Variants in MNS1 observed in about 807,000 individuals in gnomAD.
The protein encoded by MNS1 is meiosis-specific nuclear structural protein 1.
MNS1 carries 63 observed loss-of-function variants against 72.0 expected under a neutral mutation model. The ratio of observed to expected loss-of-function variants is 0.87; its 90% confidence interval spans 0.71 to 1.08. The LOEUF is 1.08. MNS1 is among the 50% of genes least tolerant of loss of function. MNS1 has a pLI of 0.00. For missense variants in MNS1, 604 were observed against 562.4 expected (o/e 1.07, Z -0.75); for synonymous variants, 188 against 172.1 (o/e 1.09, Z -0.72).
chr15:56,428,805 C>T lies in MNS1; in HGVS notation c.*296G>A. 1 of 356,156 alleles carries T rather than the reference C, an allele frequency of 2.8e-6. No homozygotes were observed. Among genetic ancestry groups the T allele is most frequent in the South Asian group, 6.0e-5 (1 of 16,582 alleles). The allele number at this position is 356,156 out of a possible 1,614,324, so 22.1% of individuals were successfully genotyped here. ...GTAAACACAGACAGAAGGCAGTTCA[C>T]TTTGGGGTAGAGTTCTGTATTAGTC... On this transcript the variant is annotated 3_prime_UTR_variant, in exon 10 of 10. Coordinates refer to ENST00000260453, the MANE Select transcript of MNS1 (RefSeq NM_018365.4).
intron 7 of MNS1, among the ~76,000 whole-genome samples, chr15:56,438,436 G>T (rs1480163556): frequency 6.6e-6 from 1 of 152,100 alleles, no homozygotes; most frequent in Non-Finnish European, 1.5e-5. Flanking sequence ...AAACTGGCTA[G>T]CCATAGGTAG....
intron 2 of MNS1, among the ~76,000 whole-genome samples, chr15:56,461,451 A>T (rs1428828832): frequency 1.3e-5 from 2 of 152,270 alleles, no homozygotes; most frequent in Non-Finnish European, 2.9e-5. Context: ...ACTTGAAGTC[A>T]GGAGTTCAAG....
At chr15:56,435,199 A>G (rs2140332930) in intron 7 of MNS1, among the ~76,000 whole-genome samples, 1 of 152,168 alleles carries the variant, frequency 6.6e-6, no homozygotes, top group African/African-American at 2.4e-5. Flanking sequence ...ATGTATATAT[A>G]TAGCACTAAA....
intron 4 of MNS1, among the ~76,000 whole-genome samples, chr15:56,446,363 T>C (rs922023855): frequency 3.9e-5 from 6 of 151,994 alleles, no homozygotes; most frequent in African/African-American, 1.4e-4. Context: ...GAGTAACTCT[T>C]ATCTTCAACT....
chr15:56,462,787 A>C (rs1330608513), intron 2 of MNS1, among the ~76,000 whole-genome samples: 3 of 152,234 alleles, frequency 2.0e-5, no homozygotes, highest in Non-Finnish European at 4.4e-5. Flanking sequence ...GGAATGGGTG[A>C]GATAATAGTA....
At chr15:56,433,391 A>T (rs1451550711) in intron 8 of MNS1, among the ~76,000 whole-genome samples, 1 of 148,000 alleles carries the variant, frequency 6.8e-6, no homozygotes, top group Non-Finnish European at 1.5e-5. Context: ...ACAAACCTGC[A>T]TGTTCTGCAC....
Position 56,444,683 on chromosome 15 carries a change from A to G in MNS1, c.457-10T>C. 1.9e-6 allele frequency: 3 copies of G among 1,602,112 alleles called. No individual in the cohort carries two copies. Among genetic ancestry groups the G allele is most frequent in the Non-Finnish European group, 2.6e-6 (3 of 1,172,304 alleles). ...TTTCAGCATCACGTTTCTGTTATTA[A>G]AACAAAATTGATCTTTCCGTTTTCA... On this transcript the variant is annotated splice_polypyrimidine_tract_variant and intron_variant, in intron 4 of 9. Coordinates refer to ENST00000260453, the MANE Select transcript of MNS1 (RefSeq NM_018365.4).
intron 3 of MNS1, among the ~76,000 whole-genome samples, chr15:56,453,559 A>G (rs1198799028): frequency 2.6e-5 from 4 of 152,166 alleles, no homozygotes; most frequent in Admixed American, 2.6e-4. Flanking sequence ...GCTGAACTTA[A>G]ATATAAATGA....
Position 56,464,905 on chromosome 15 carries a change from A to C in MNS1, c.3+65T>G. 1.9e-6 allele frequency: 3 copies of C among 1,605,548 alleles called. No homozygotes were observed. In the South Asian group the frequency reaches 3.3e-5, roughly 18 times the overall value. ...ACTTAAAATCCTTTTTTAGAAGCAG[A>C]TGAGCGCCAAACTAGAATTAAATCA... On this transcript the variant is annotated intron_variant, in intron 1 of 9. Coordinates refer to ENST00000260453, the MANE Select transcript of MNS1 (RefSeq NM_018365.4).
chr15:56,447,590 AT>A (rs2140365277), intron 3 of MNS1: 1 of 152,322 alleles, frequency 6.6e-6, no homozygotes, highest in Non-Finnish European at 1.5e-5. Flanking sequence ...CAGAAATACA[AT>A]TAATGTTTAT....
chr15:56,431,673 A>G (rs1335866863), intron 8 of MNS1, among the ~76,000 whole-genome samples, 175 bp from the exon 9 acceptor site: 2 of 151,980 alleles, frequency 1.3e-5, no homozygotes, highest in Non-Finnish European at 2.9e-5. Flanking sequence ...GTCTGTACAC[A>G]TATCTATGTA....
intron 3 of MNS1, among the ~76,000 whole-genome samples, chr15:56,450,428 C>G (rs1245620947): frequency 6.6e-6 from 1 of 152,168 alleles, no homozygotes; most frequent in African/African-American, 2.4e-5. Context: ...ATTCTTCCCT[C>G]TCCCTAACCC....
intron 8 of MNS1, among the ~76,000 whole-genome samples, chr15:56,433,427 A>G (rs751938137): frequency 6.6e-6 from 1 of 152,112 alleles, no homozygotes. Context: ...TAAAAATATT[A>G]AAAAAATAAT....
rs374001037 is a variant in MNS1, at chr15:56,443,558, C to G, written c.904-21G>C. 54 of 1,573,404 alleles carry G rather than the reference C, an allele frequency of 3.4e-5. No homozygotes were observed. In the Middle Eastern group the frequency reaches 5.2e-4, roughly 15 times the overall value. On this transcript the variant is annotated intron_variant, in intron 6 of 9. Coordinates refer to ENST00000260453, the MANE Select transcript of MNS1 (RefSeq NM_018365.4). ...GTCAACTATTAAATTTTTTAAAAAA[C>G]ATAAATATTTATAGGATCCAAATTC...
At chr15:56,439,521 A>G (rs183993083) in intron 7 of MNS1, among the ~76,000 whole-genome samples, 42 of 152,068 alleles carry the variant, frequency 2.8e-4, no homozygotes, top group African/African-American at 9.6e-4. Context: ...GGATGGATAC[A>G]TAGACCAACA....
chr15:56,448,064 G>C (rs888653694), intron 3 of MNS1, among the ~76,000 whole-genome samples: 2 of 152,114 alleles, frequency 1.3e-5, no homozygotes, highest in Non-Finnish European at 2.9e-5. Flanking sequence ...AGACATTTGA[G>C]TTGTTTCAGG....
chr15:56,452,901 T>C (rs916898863), intron 3 of MNS1, among the ~76,000 whole-genome samples: 3 of 152,172 alleles, frequency 2.0e-5, no homozygotes, highest in South Asian at 2.1e-4. Context: ...AAGCCTAGTT[T>C]CCAGAAACCA....
chr15:56,434,483 G>T, intron 7 of MNS1, 88 bp from the exon 8 acceptor site: 1 of 1,340,064 alleles, frequency 7.5e-7, no homozygotes, highest in Non-Finnish European at 1.0e-6. Context: ...GTTAAATTTA[G>T]TATTACAATA....
intron 3 of MNS1, among the ~76,000 whole-genome samples, chr15:56,448,751 C>CTTTTTT (rs34366643): frequency 8.5e-6 from 1 of 117,662 alleles, no homozygotes; most frequent in Non-Finnish European, 1.8e-5. Flanking sequence ...TTTTTAGATT[C>CTTTTTT]TTTTTTTTTT....
Sources: gnomAD v4.1 joint callset for allele counts (sites outside exome capture counted in the v4.1 genomes callset) on GRCh38, gnomAD v4.1.1 for gene constraint, MANE v1.5 for transcripts, NCBI Gene and HGNC (gene_info 2026-07-23, HGNC 2026-07-21) for gene names.